The following PLCB1 variants were observed in gnomAD, a reference collection of about 807,000 sequenced individuals.
The protein encoded by PLCB1 is phospholipase C beta 1.
PLCB1 carries 46 observed loss-of-function variants against 161.8 expected under a neutral mutation model. That is an observed-to-expected ratio of 0.28 (90% CI 0.22 to 0.36). The LOEUF is 0.36. PLCB1 is among the 10% of genes least tolerant of loss of function. The pLI is 1.00. For synonymous variants in PLCB1, 517 were observed against 503.7 expected, an observed-to-expected ratio of 1.03 and a Z score of -0.35; for missense variants, 1,016 against 1,472.5, an observed-to-expected ratio of 0.69 and a Z score of 5.07.
At position 8,716,287 on chromosome 20, in the gene PLCB1, C is replaced by T. The variant is rs1171674168; in HGVS notation, c.1274C>T (p.Ala425Val). 1.9e-6 allele frequency: 3 copies of T among 1,613,886 alleles called. No homozygotes were observed. Among genetic ancestry groups the T allele is most frequent in the East Asian group, 2.2e-5 (1 of 44,878 alleles). The change falls in exon 13 of 32, where the codon GCG becomes GTG. Residue 425 changes from alanine to valine, a missense_variant. By Grantham distance (64) the Ala-to-Val change is moderately conservative (BLOSUM62 0). Transcript: ENST00000338037. Reference sequence around the variant, plus strand: ...AGCCCAAAGCAGCAAGCCAAGATGGCGGAGTACTGCCGACTGATCTTTGGG... The same window carrying T: ...AGCCCAAAGCAGCAAGCCAAGATGGTGGAGTACTGCCGACTGATCTTTGGG... ...VDSPKQQAKM[A>V]EYCRLIFGDA...
chr20:8,389,791 G>A (rs111714405), intron 3 of PLCB1, among the ~76,000 whole-genome samples: 8 of 152,270 alleles, frequency 5.3e-5, no homozygotes, highest in African/African-American at 1.9e-4. Flanking sequence ...CACTTGGGGA[G>A]CTTTTAAAAT....
At chr20:8,344,657 G>A (rs776082541) in intron 2 of PLCB1, among the ~76,000 whole-genome samples, 3 of 152,062 alleles carry the variant, frequency 2.0e-5, no homozygotes, top group East Asian at 1.9e-4. Flanking sequence ...ATCTGCTCCC[G>A]GTGCTCACCC....
In PLCB1 at chr20:8,760,382, ATTTAT is replaced by A. The variant is rs2123571999; in HGVS notation, c.2657-19_2657-15del. 1.3e-6 allele frequency: 2 copies of A among 1,486,698 alleles called. No individual in the cohort carries two copies. The highest frequency in any genetic ancestry group is 1.2e-5 in the South Asian group (1 of 85,970). 92.1% of individuals were successfully genotyped at this position (1,486,698 alleles called of 1,614,324 possible). On this transcript the variant is annotated intron_variant, in intron 24 of 31. Coordinates refer to ENST00000338037, the MANE Select transcript of PLCB1 (RefSeq NM_015192.4). ...TAAAATTTAAAAAGTTGAAGAGGCT[ATTTAT>A]TTTATCTTTTATATTACAGGTTCTG...
intron 3 of PLCB1, among the ~76,000 whole-genome samples, chr20:8,412,352 A>G (rs1296397117): frequency 3.9e-5 from 6 of 152,114 alleles, no homozygotes; most frequent in African/African-American, 1.4e-4. Context: ...GATGTACACA[A>G]CCCCCTACTT....
At chr20:8,546,775 G>C (rs116094896) in intron 3 of PLCB1, among the ~76,000 whole-genome samples, 2,420 of 147,796 alleles carry the variant, frequency 0.016, 70 homozygotes, top group African/African-American at 0.056. Flanking sequence ...GAAATGACTA[G>C]TATCATAAAC....
At chr20:8,436,424 G>C (rs1980310345) in intron 3 of PLCB1, among the ~76,000 whole-genome samples, 3 of 137,666 alleles carry the variant, frequency 2.2e-5, no homozygotes, top group Admixed American at 7.7e-5. Context: ...GACTTCTTAA[G>C]TTGTGTTCAA....
At chr20:8,747,771 A>C (rs189374264) in intron 23 of PLCB1, among the ~76,000 whole-genome samples, 1 of 152,278 alleles carries the variant, frequency 6.6e-6, no homozygotes, top group East Asian at 1.9e-4. Flanking sequence ...ATGTCTCTTA[A>C]AAATAAATAA....
At chr20:8,265,976 A>G (rs1335354720) in intron 2 of PLCB1, among the ~76,000 whole-genome samples, 6 of 152,232 alleles carry the variant, frequency 3.9e-5, no homozygotes, top group African/African-American at 1.4e-4. Flanking sequence ...TTTAGAATCT[A>G]AGTAAGAATG....
rs929633430 is a variant in PLCB1 at position 8,408,883 on chromosome 20, AT to A, written c.246+37442del. Among the ~76,000 whole-genome samples the A allele has an allele frequency of 1.5e-3, 229 of 151,942 alleles. 1 individual carries two copies. The highest frequency in any genetic ancestry group is 5.2e-3 in the African/African-American group (217 of 41,452). ...CTTAAGAAGTCATGTAACAGTAATAATTTTTTTTTATTGCTAATAGCTATGT... is the reference window on the plus strand; with the variant it reads ...CTTAAGAAGTCATGTAACAGTAATAATTTTTTTTATTGCTAATAGCTATGT... On this transcript the variant is annotated intron_variant, in intron 3 of 31. Transcript: ENST00000338037.
At chr20:8,445,418 G>A (rs1194775499) in intron 3 of PLCB1, among the ~76,000 whole-genome samples, 2 of 151,808 alleles carry the variant, frequency 1.3e-5, no homozygotes, top group Non-Finnish European at 2.9e-5. Flanking sequence ...CTCTGTTTTG[G>A]TACCAGTACC....
At chr20:8,168,005 A>G (rs1434441669) in intron 2 of PLCB1, among the ~76,000 whole-genome samples, 2 of 152,092 alleles carry the variant, frequency 1.3e-5, no homozygotes, top group African/African-American at 4.8e-5. Flanking sequence ...GGCTAGGCTG[A>G]CTTGTATCTG....
At chr20:8,542,177 G>A (rs1170619542) in intron 3 of PLCB1, among the ~76,000 whole-genome samples, 1 of 152,118 alleles carries the variant, frequency 6.6e-6, no homozygotes, top group Non-Finnish European at 1.5e-5. Flanking sequence ...GAAGTGGTCC[G>A]TGAACCGATT....
chr20:8,374,392 G>A (rs708929), intron 3 of PLCB1, among the ~76,000 whole-genome samples: 78,103 of 151,964 alleles, frequency 0.51, 20,495 homozygotes, highest in African/African-American at 0.62. Flanking sequence ...TCTTTGTTTT[G>A]TAAACTACCA....
intron 16 of PLCB1, among the ~76,000 whole-genome samples, chr20:8,725,778 C>G (rs1050894609): frequency 6.6e-6 from 1 of 152,062 alleles, no homozygotes; most frequent in Non-Finnish European, 1.5e-5. Flanking sequence ...AGTTCCAAGA[C>G]AAGTAGCCAA....
Position 8,765,236 on chromosome 20 carries a change from A to T in PLCB1, c.2808A>T (p.Arg936Ser). 1.2e-6 allele frequency: 2 copies of T among 1,613,904 alleles called. No homozygotes were observed. Among genetic ancestry groups the T allele is most frequent in the Non-Finnish European group, 1.7e-6 (2 of 1,179,766 alleles). Reference protein sequence around the residue: ...HYKEMKDLVKRHHKKTTDLIK... With the variant: ...HYKEMKDLVKSHHKKTTDLIK... ...AAGAAATGAAAGACCTGGTTAAGAGACACCACAAGAAAACCACTGACCTTA... is the reference window on the plus strand; with the variant it reads ...AAGAAATGAAAGACCTGGTTAAGAGTCACCACAAGAAAACCACTGACCTTA... Residue 936 changes from arginine to serine, a missense_variant, in exon 26 of 32, where the codon AGA (arginine) becomes AGT (serine). Around this residue, in one of 10 missense-constraint regions of PLCB1, gnomAD observed 398 missense variants for 445.4 expected, o/e 0.89. Transcript: ENST00000338037.
At chr20:8,716,390 T>A in intron 13 of PLCB1, 42 bp downstream of exon 13, 1 of 1,359,490 alleles carries the variant, frequency 7.4e-7, no homozygotes, top group Non-Finnish European at 1.1e-6. Context: ...ATGTATGCAT[T>A]ATTGATGAAT....
intron 26 of PLCB1, among the ~76,000 whole-genome samples, chr20:8,770,200 C>T (rs1982602745): frequency 6.6e-6 from 1 of 152,230 alleles, no homozygotes; most frequent in African/African-American, 2.4e-5. Context: ...GATCCGCCCA[C>T]CTCGGCCTCC....
At chr20:8,764,890 A>G (rs566668971) in intron 25 of PLCB1, among the ~76,000 whole-genome samples, 1 of 152,296 alleles carries the variant, frequency 6.6e-6, no homozygotes, top group East Asian at 1.9e-4. Context: ...TTCTGCTTCT[A>G]GGGAACCCAA....
intron 19 of PLCB1, 130 bp downstream of exon 19, chr20:8,733,522 T>C (rs929903505): frequency 1.3e-6 from 1 of 797,476 alleles, no homozygotes. Flanking sequence ...ACATTTTTTT[T>C]CTCTAAAGAT....
Sources: allele counts gnomAD v4.1 joint callset (sites outside exome capture counted in the v4.1 genomes callset), GRCh38; gene constraint gnomAD v4.1.1; regional missense constraint gnomAD v4.1.1; transcripts MANE v1.5; gene names NCBI Gene and HGNC (gene_info 2026-07-23, HGNC 2026-07-21).